The following PCSK1 variants were observed in gnomAD, a reference collection of about 807,000 sequenced individuals.
PCSK1 encodes neuroendocrine convertase 1.
PCSK1 carries 56 observed loss-of-function variants against 90.6 expected under a neutral mutation model. The observed-to-expected ratio is 0.62, with a 90% CI of 0.50 to 0.77. The LOEUF (loss-of-function observed/expected upper bound fraction) is 0.77, where lower values mean the gene tolerates loss of function less well. PCSK1 is among the 30% of genes least tolerant of loss of function. The pLI is 0.00. For missense variants in PCSK1, 801 were observed against 932.6 expected, an observed-to-expected ratio of 0.86 and a Z score of 1.84; for synonymous variants, 348 against 342.4, an observed-to-expected ratio of 1.02 and a Z score of -0.18.
intron 9 of PCSK1, among the ~76,000 whole-genome samples, chr5:96,401,172 T>TA (rs1365535928): frequency 2.0e-5 from 3 of 151,436 alleles, no homozygotes; most frequent in Non-Finnish European, 4.4e-5. Context: ...GTGAGTGCTA[T>TA]ATTCATAGCT....
chr5:96,394,748 T>A, intron 13 of PCSK1, 116 bp downstream of exon 13: 1 of 886,796 alleles, frequency 1.1e-6, no homozygotes, highest in South Asian at 1.3e-5. Flanking sequence ...TATCACTTCT[T>A]ATCCTCCCCA....
chr5:96,395,661 G>A (rs1408505018), intron 12 of PCSK1, among the ~76,000 whole-genome samples: 2 of 152,120 alleles, frequency 1.3e-5, no homozygotes, highest in African/African-American at 2.4e-5. Flanking sequence ...GGCAAGGGGA[G>A]GGATAGCATT....
chr5:96,431,559 C>A (rs1424171557), intron 1 of PCSK1, among the ~76,000 whole-genome samples: 1 of 152,204 alleles, frequency 6.6e-6, no homozygotes, highest in Non-Finnish European at 1.5e-5. Context: ...CAGCCCCTAA[C>A]ACGGAGCCTG....
rs551279824 is a variant in PCSK1 at position 96,422,036 on chromosome 5, C to T, written c.544-80G>A. ...AAAAAAAAAGCATCACTTCCCAAGC[C>T]TCTTACCCTATGCCTTCCCATCCTG... On this transcript the variant is annotated intron_variant, in intron 4 of 13. Transcript: ENST00000311106. The T allele has an allele frequency of 2.7e-3, 2,168 of 806,854 alleles. 40 individuals carry two copies. Among genetic ancestry groups the T allele is most frequent in the Non-Finnish European group, 8.0e-4 (385 of 478,992 alleles). 50.0% of individuals were successfully genotyped at this position (806,854 alleles called of 1,614,324 possible). A position where few individuals can be genotyped will look rare whatever the true frequency, so the allele number is the denominator to read the frequency against.
Position 96,423,588 on chromosome 5 carries a change from A to T in PCSK1, c.397-129T>A. Reference sequence around the variant, plus strand: ...TCACTCTACTCTTTAGAAGAAGCCAATTCAGTGAAATGAGAAAACAAAGTT... The same window carrying T: ...TCACTCTACTCTTTAGAAGAAGCCATTTCAGTGAAATGAGAAAACAAAGTT... On this transcript the variant is annotated intron_variant, in intron 3 of 13. Transcript: ENST00000311106. 3.7e-6 allele frequency: 3 copies of T among 809,344 alleles called. No homozygotes were observed. The South Asian group carries it at 4.4e-5, about 12-fold the overall frequency. The allele number at this position is 809,344 out of a possible 1,614,324, so 50.1% of individuals were successfully genotyped here.
At position 96,425,728 on chromosome 5, in the gene PCSK1, TAAAAA is replaced by T. The variant is rs11310306; in HGVS notation, c.396+87_396+91del. On this transcript the variant is annotated intron_variant, in intron 3 of 13. Transcript: ENST00000311106. The stretch of plus-strand genomic sequence containing the variant: ...TAGCTCCCTATGAAATTCTCCATCA[TAAAAA>T]AAAAAAAAAATCCATGTTGCAAATG... The T allele has an allele frequency of 8.4e-3, 5,491 of 655,570 alleles. 217 individuals carry two copies. In the African/African-American group the frequency reaches 0.091, roughly 11 times the overall value. 40.6% of individuals were successfully genotyped at this position (655,570 alleles called of 1,614,324 possible).
chr5:96,431,654 G>T (rs750033654), intron 1 of PCSK1, among the ~76,000 whole-genome samples: 1 of 152,068 alleles, frequency 6.6e-6, no homozygotes, highest in African/African-American at 2.4e-5. Flanking sequence ...TTTTCCTTTC[G>T]GGCATTTCAA....
At chr5:96,397,240 C>T in intron 12 of PCSK1, 96 bp downstream of exon 12, 1 of 1,078,012 alleles carries the variant, frequency 9.3e-7, no homozygotes, top group South Asian at 1.3e-5. Flanking sequence ...GGGTACAATT[C>T]TTTAGGGCCC....
Position 96,392,738 on chromosome 5 carries a change from CTG to C in PCSK1, c.*261_*262del. 1 of 511,772 alleles carries C rather than the reference CTG, an allele frequency of 2.0e-6. No homozygotes were observed. The allele number at this position is 511,772 out of a possible 1,614,324, so 31.7% of individuals were successfully genotyped here. Reference sequence around the variant, plus strand: ...ATGTAGTGTAAGAGCTTTTTGTCAACTGTGACTCCAGAAAGAACAAAACACTT... The same window carrying C: ...ATGTAGTGTAAGAGCTTTTTGTCAACTGACTCCAGAAAGAACAAAACACTT... On this transcript the variant is annotated 3_prime_UTR_variant, in exon 14 of 14. Coordinates refer to ENST00000311106, the MANE Select transcript of PCSK1 (RefSeq NM_000439.5).
intron 6 of PCSK1, among the ~76,000 whole-genome samples, chr5:96,415,422 C>T (rs532138263): frequency 3.9e-5 from 6 of 152,318 alleles, no homozygotes; most frequent in African/African-American, 7.2e-5. Flanking sequence ...AAGGTGATAA[C>T]ATCTGCCTAC....
At chr5:96,427,821 G>A (rs776821328) in intron 2 of PCSK1, among the ~76,000 whole-genome samples, 3 of 152,110 alleles carry the variant, frequency 2.0e-5, no homozygotes, top group East Asian at 1.9e-4. Context: ...TGCTTAGCCC[G>A]GGGACTAAGC....
At position 96,406,698 on chromosome 5, in the gene PCSK1, G is replaced by A. The variant is rs1040962654; in HGVS notation, c.1196+1525C>T. 2.6e-5 allele frequency among the ~76,000 whole-genome samples: 4 copies of A among 152,338 alleles called. No individual in the cohort carries two copies. In the South Asian group the frequency reaches 8.3e-4, roughly 32 times the overall value. On this transcript the variant is annotated intron_variant, in intron 9 of 13. Transcript: ENST00000311106. ...AAAGGCCAAGATATTTTTCCTTTCT[G>A]TTATTACGAACTGAGTCTACTGAAT...
chr5:96,432,732 G>A, intron 1 of PCSK1, 131 bp downstream of exon 1: 2 of 726,978 alleles, frequency 2.8e-6, no homozygotes, highest in Non-Finnish European at 4.9e-6. Flanking sequence ...GCGAGGGCTG[G>A]AGCAGCTCCT....
At chr5:96,402,177 T>G (rs1760399117) in intron 9 of PCSK1, among the ~76,000 whole-genome samples, 1 of 152,174 alleles carries the variant, frequency 6.6e-6, no homozygotes, top group African/African-American at 2.4e-5. Flanking sequence ...TGGACATTCC[T>G]AAACACTGAA....
chr5:96,415,406 A>T (rs1448786917), intron 6 of PCSK1, among the ~76,000 whole-genome samples: 1 of 152,126 alleles, frequency 6.6e-6, no homozygotes, highest in Non-Finnish European at 1.5e-5. Context: ...TTGCTCCTTG[A>T]GGCTAAAGGT....
At chr5:96,431,905 A>G (rs1172390472) in intron 1 of PCSK1, among the ~76,000 whole-genome samples, 1 of 152,024 alleles carries the variant, frequency 6.6e-6, no homozygotes, top group Admixed American at 6.5e-5. Context: ...GAGCCAAGGA[A>G]AGGAAAGCTC....
At chr5:96,425,048 G>GAAAGAAAGAAAGAAAA (rs1761257877) in intron 3 of PCSK1, among the ~76,000 whole-genome samples, 1 of 123,866 alleles carries the variant, frequency 8.1e-6, no homozygotes, top group African/African-American at 2.9e-5. Flanking sequence ...AAGAAAGAAA[G>GAAAGAAAGAAAGAAAA]AAAGAAAGAA....
At chr5:96,396,327 G>A (rs976914861) in intron 12 of PCSK1, among the ~76,000 whole-genome samples, 1 of 152,156 alleles carries the variant, frequency 6.6e-6, no homozygotes, top group Non-Finnish European at 1.5e-5. Context: ...TTGGGAGGCC[G>A]AGGTGGGTAA....
At chr5:96,414,539 TAATA>T (rs1167363091) in intron 6 of PCSK1, among the ~76,000 whole-genome samples, 1 of 152,186 alleles carries the variant, frequency 6.6e-6, no homozygotes, top group Non-Finnish European at 1.5e-5. Flanking sequence ...AATAGGTGCC[TAATA>T]AATGAAGATT....
Sources: gnomAD v4.1 joint callset for allele counts (sites outside exome capture counted in the v4.1 genomes callset) on GRCh38, gnomAD v4.1.1 for gene constraint, MANE v1.5 for transcripts, NCBI Gene and HGNC (gene_info 2026-07-23, HGNC 2026-07-21) for gene names.